Variants in ANKRD30BL observed in about 807,000 individuals in gnomAD.
The protein encoded by ANKRD30BL is putative ankyrin repeat domain-containing protein 30B-like.
ANKRD30BL carries 20 observed loss-of-function variants against 18.4 expected under a neutral mutation model. The observed-to-expected ratio is 1.09, with a 90% CI of 0.77 to 1.58. ANKRD30BL has a LOEUF of 1.58. Ranked by LOEUF, ANKRD30BL falls within the 40% of genes most tolerant of loss-of-function variation. The pLI, the probability that ANKRD30BL is intolerant of heterozygous loss-of-function variation, is 0.00. For synonymous variants in ANKRD30BL, 72 were observed against 100.9 expected (o/e 0.71, Z 1.72); for missense variants, 224 against 268.6 (o/e 0.83, Z 1.16).
intron 1 of ANKRD30BL, among the ~76,000 whole-genome samples, chr2:132,198,562 A>G (rs1352016289): frequency 6.7e-6 from 1 of 150,012 alleles, no homozygotes; most frequent in Non-Finnish European, 1.5e-5. Flanking sequence ...TGACCTCGTG[A>G]TCTGCCCGCC....
intron 1 of ANKRD30BL, among the ~76,000 whole-genome samples, chr2:132,186,648 T>C (rs1209444341): frequency 1.3e-5 from 2 of 152,218 alleles, no homozygotes; most frequent in African/African-American, 2.4e-5. Flanking sequence ...TATACTGTTA[T>C]GTGTTATGTG....
intron 1 of ANKRD30BL, among the ~76,000 whole-genome samples, chr2:132,214,251 T>G (rs1270516309): frequency 6.6e-6 from 1 of 151,908 alleles, no homozygotes; most frequent in Non-Finnish European, 1.5e-5. Context: ...AATTGAGCAG[T>G]TTTGAAACAC....
In ANKRD30BL at chr2:132,197,683, G is replaced by A. The variant is rs534576555; in HGVS notation, n.442-40537C>T. Among the ~76,000 whole-genome samples the A allele has an allele frequency of 4.3e-3, 657 of 151,790 alleles. 6 individuals are homozygous for A. Among genetic ancestry groups the A allele is most frequent in the African/African-American group, 0.014 (600 of 41,524 alleles). The stretch of plus-strand genomic sequence containing the variant: ...CCAAAAAGTAGATTATTTATTTATA[G>A]GTTAGTTGTTTCTTCTTATAGTAAT... On this transcript the variant is annotated intron_variant and non_coding_transcript_variant, in intron 1 of 4. Transcript: ENST00000470729.
At chr2:132,183,137 C>CTTTTTT (rs144303092) in intron 1 of ANKRD30BL, among the ~76,000 whole-genome samples, 1 of 140,232 alleles carries the variant, frequency 7.1e-6, no homozygotes, top group African/African-American at 2.6e-5. Context: ...GACAAAGTAG[C>CTTTTTT]TTTTTTTTTT....
At chr2:132,221,485 C>T (rs1338817106) in intron 1 of ANKRD30BL, among the ~76,000 whole-genome samples, 10 of 129,626 alleles carry the variant, frequency 7.7e-5, no homozygotes, top group African/African-American at 3.5e-4. Context: ...TGCCTGGCCG[C>T]CCCTACTGGG....
chr2:132,179,133 A>G (rs991925167), intron 1 of ANKRD30BL, among the ~76,000 whole-genome samples: 1 of 152,096 alleles, frequency 6.6e-6, no homozygotes, highest in Non-Finnish European at 1.5e-5. Flanking sequence ...ATCATTGCAC[A>G]ATTCATTACT....
At chr2:132,215,367 T>A (rs534555300) in intron 1 of ANKRD30BL, among the ~76,000 whole-genome samples, 10 of 152,190 alleles carry the variant, frequency 6.6e-5, no homozygotes, top group Non-Finnish European at 1.5e-4. Context: ...CAAAAAAAAC[T>A]AGGTAGAAGC....
At chr2:132,202,214 T>C (rs1191054141) in intron 1 of ANKRD30BL, among the ~76,000 whole-genome samples, 3 of 151,988 alleles carry the variant, frequency 2.0e-5, no homozygotes, top group Non-Finnish European at 4.4e-5. Flanking sequence ...GTGGGTGCAG[T>C]GCACCAGCAT....
chr2:132,151,408 A>C (rs1687753287), intron 4 of ANKRD30BL, among the ~76,000 whole-genome samples: 1 of 152,152 alleles, frequency 6.6e-6, no homozygotes, highest in African/African-American at 2.4e-5. Context: ...TAAAATAAAA[A>C]ATGAAGCAAA....
intron 1 of ANKRD30BL, among the ~76,000 whole-genome samples, 187 bp from the exon 2 acceptor site, chr2:132,157,610 C>A (rs7591312): frequency 7.2e-5 from 11 of 152,038 alleles, no homozygotes; most frequent in African/African-American, 1.7e-4. Context: ...GAAAGAGTGC[C>A]TGTTTGAACA....
chr2:132,153,692 G>C (rs745857927), intron 4 of ANKRD30BL: 1 of 1,248,726 alleles, frequency 8.0e-7, no homozygotes, highest in Non-Finnish European at 1.1e-6. Context: ...CATGAGGGCT[G>C]TGCTAAAATA....
At position 132,177,334 on chromosome 2, in the gene ANKRD30BL, A is replaced by G. The variant is rs556529129; in HGVS notation, n.442-20188T>C. On this transcript the variant is annotated intron_variant and non_coding_transcript_variant, in intron 1 of 4. Transcript: ENST00000470729. The stretch of plus-strand genomic sequence containing the variant: ...ATGCCCAGCTAATTTTTGTATTTTT[A>G]GTAGAGACAGAGTTTCACCATGTTG... 2.6e-5 allele frequency among the ~76,000 whole-genome samples: 4 copies of G among 152,144 alleles called. No homozygotes were observed. In the South Asian group the frequency reaches 8.3e-4, roughly 32 times the overall value.
At chr2:132,252,634 C>T (rs933835884) in intron 1 of ANKRD30BL, among the ~76,000 whole-genome samples, 12 of 152,106 alleles carry the variant, frequency 7.9e-5, no homozygotes, top group African/African-American at 2.9e-4. Flanking sequence ...GTCGCTGGGC[C>T]GCCTCCAGGG....
chr2:132,200,721 A>T (rs1425772749), intron 1 of ANKRD30BL, among the ~76,000 whole-genome samples: 4 of 152,198 alleles, frequency 2.6e-5, no homozygotes, highest in Non-Finnish European at 5.9e-5. Context: ...CATACTGCCC[A>T]AGGTAATTTA....
chr2:132,244,894 G>A (rs566350485), intron 1 of ANKRD30BL, among the ~76,000 whole-genome samples: 1 of 152,378 alleles, frequency 6.6e-6, no homozygotes, highest in South Asian at 2.1e-4. Context: ...TGGACATTTG[G>A]AGCGCTTTGA....
In ANKRD30BL at chr2:132,153,713, A is replaced by G. The variant is rs746607775; in HGVS notation, c.614+949T>C. The G allele has an allele frequency of 8.4e-6, 10 of 1,187,712 alleles. No individual in the cohort carries two copies. The Admixed American group carries it at 1.8e-4, about 21-fold the overall frequency. 73.6% of individuals were successfully genotyped at this position (1,187,712 alleles called of 1,614,324 possible). A position where few individuals can be genotyped will look rare whatever the true frequency, so the allele number is the denominator to read the frequency against. Reference sequence around the variant, plus strand: ...GGCTGTGCTAAAATAACAAAGAGATAACTTCATTATTAGGAACGAACGAAT... The same window carrying G: ...GGCTGTGCTAAAATAACAAAGAGATGACTTCATTATTAGGAACGAACGAAT... On this transcript the variant is annotated intron_variant, in intron 4 of 5. Transcript: ENST00000409867.
At chr2:132,250,651 C>G (rs1045616685) in intron 1 of ANKRD30BL, among the ~76,000 whole-genome samples, 2 of 152,198 alleles carry the variant, frequency 1.3e-5, no homozygotes, top group African/African-American at 2.4e-5. Flanking sequence ...AAACAAAACA[C>G]AGCTAAGGTG....
chr2:132,170,255 G>A (rs1688254233), intron 1 of ANKRD30BL, among the ~76,000 whole-genome samples: 1 of 152,104 alleles, frequency 6.6e-6, no homozygotes, highest in South Asian at 2.1e-4. Context: ...TTGTCACACA[G>A]CCTTGAAATA....
intron 1 of ANKRD30BL, among the ~76,000 whole-genome samples, chr2:132,227,469 G>A (rs956511429): frequency 5.9e-5 from 9 of 151,890 alleles, no homozygotes; most frequent in Non-Finnish European, 8.8e-5. Flanking sequence ...TCATAGAGTC[G>A]TTTTGAAACA....
Sources: allele counts gnomAD v4.1 joint callset (sites outside exome capture counted in the v4.1 genomes callset), GRCh38; gene constraint gnomAD v4.1.1; transcripts MANE v1.5; gene names NCBI Gene and HGNC (gene_info 2026-07-23, HGNC 2026-07-21).